The following ACOT11 variants were observed in gnomAD, a reference collection of about 807,000 sequenced individuals.
ACOT11 encodes the protein acyl-CoA thioesterase 11.
Under a neutral mutation model 77.5 loss-of-function variants are expected in ACOT11, and 69 were observed. The ratio of observed to expected loss-of-function variants is 0.89; its 90% CI spans 0.73 to 1.09. The LOEUF is 1.09. Among genes scored for constraint, ACOT11 ranks in the 50% least tolerant of loss-of-function variants. The pLI, the probability that ACOT11 is intolerant of heterozygous loss-of-function variation, is 0.00. For missense variants in ACOT11, 766 were observed against 813.7 expected, an observed-to-expected ratio of 0.94 and a Z score of 0.71; for synonymous variants, 279 against 313.0, an observed-to-expected ratio of 0.89 and a Z score of 1.15.
At chr1:54,568,863 C>T (rs1653834432) in intron 1 of ACOT11, among the ~76,000 whole-genome samples, 1 of 152,146 alleles carries the variant, frequency 6.6e-6, no homozygotes, top group South Asian at 2.1e-4. Flanking sequence ...CCTCCCACCT[C>T]AGCCTTCCGA....
At chr1:54,603,133 T>C (rs960041939) in intron 10 of ACOT11, among the ~76,000 whole-genome samples, 3 of 152,208 alleles carry the variant, frequency 2.0e-5, no homozygotes, top group African/African-American at 7.2e-5. Flanking sequence ...GTTCAGGAGT[T>C]TGAGACTAGC....
intron 1 of ACOT11, among the ~76,000 whole-genome samples, chr1:54,562,202 G>A (rs1653532669): frequency 1.2e-5 from 1 of 83,330 alleles, no homozygotes; most frequent in East Asian, 3.7e-4. Flanking sequence ...AGACGGGGCG[G>A]CTGGCCGGGC....
chr1:54,600,357 G>A (rs1396984070), intron 8 of ACOT11, among the ~76,000 whole-genome samples: 1 of 152,180 alleles, frequency 6.6e-6, no homozygotes, highest in Non-Finnish European at 1.5e-5. Flanking sequence ...AAGTGAGGGG[G>A]AATGGTGGTG....
At chr1:54,549,497 C>T (rs909975916) in intron 1 of ACOT11, among the ~76,000 whole-genome samples, 13 of 152,202 alleles carry the variant, frequency 8.5e-5, no homozygotes, top group African/African-American at 3.1e-4. Flanking sequence ...TGCATCTCCC[C>T]AAACTTGTGT....
chr1:54,571,694 T>C lies in ACOT11; in HGVS notation c.34-12961T>C, dbSNP rs1653934193. 2.0e-5 allele frequency among the ~76,000 whole-genome samples: 3 copies of C among 152,188 alleles called. No individual in the cohort carries two copies. In the South Asian group the frequency reaches 6.2e-4, roughly 31 times the overall value. ...CACCTCTCTGCTCCGCTCAGGAATG[T>C]TTTCTTGAACACTCCTGGGAAAATG... On this transcript the variant is annotated intron_variant, in intron 1 of 15. Coordinates refer to ENST00000343744, the MANE Select transcript of ACOT11 (RefSeq NM_147161.4).
At chr1:54,627,177 C>T (rs1163232455) in intron 15 of ACOT11, among the ~76,000 whole-genome samples, 2 of 134,980 alleles carry the variant, frequency 1.5e-5, no homozygotes, top group Non-Finnish European at 3.4e-5. Flanking sequence ...TTCTTATGCC[C>T]CTTTTTCACA....
intron 12 of ACOT11, 68 bp from the exon 13 acceptor site, chr1:54,605,008 C>T (rs1468151521): frequency 8.6e-6 from 13 of 1,519,402 alleles, no homozygotes; most frequent in Middle Eastern, 1.7e-4. Flanking sequence ...CTTCCAGTCT[C>T]AGCCTCCAGC....
At chr1:54,634,000 TC>T (rs1290421755) in intron 16 of ACOT11, among the ~76,000 whole-genome samples, 3 of 152,350 alleles carry the variant, frequency 2.0e-5, no homozygotes, top group African/African-American at 7.2e-5. Flanking sequence ...GGTGGCTTTT[TC>T]TTCCACATAC....
chr1:54,568,358 C>CTTTTTTTTTTTT (rs71045196), intron 1 of ACOT11, among the ~76,000 whole-genome samples: 1 of 80,556 alleles, frequency 1.2e-5, no homozygotes, highest in Non-Finnish European at 2.4e-5. Flanking sequence ...TTCCCAGCAC[C>CTTTTTTTTTTTT]TTTTTTTTTT....
At position 54,609,472 on chromosome 1, in the gene ACOT11, G is replaced by A; in HGVS notation, c.*360G>A. 6.2e-7 allele frequency: 1 copy of A among 1,613,468 alleles called. No homozygotes were observed. Among genetic ancestry groups the A allele is most frequent in the Non-Finnish European group, 8.5e-7 (1 of 1,180,030 alleles). ...TGCCTATGGCTCCAGCTGTGCTGTG[G>A]CCCAGCAGCATGGCCTGCATCTGGA... On this transcript the variant is annotated 3_prime_UTR_variant, in exon 16 of 16. Coordinates refer to ENST00000343744, the MANE Select transcript of ACOT11 (RefSeq NM_147161.4).
chr1:54,614,826 A>G (rs1644154475), downstream of ACOT11: 3 of 1,614,184 alleles, frequency 1.9e-6, no homozygotes, highest in South Asian at 1.1e-5. Context: ...GGAGGGGCCC[A>G]CTGCCTTGAT....
intron 13 of ACOT11, 141 bp from the exon 14 acceptor site, chr1:54,606,993 G>A (rs1644033722): frequency 8.5e-6 from 10 of 1,183,078 alleles, no homozygotes; most frequent in Non-Finnish European, 1.0e-5. Context: ...CTTCCTGCTG[G>A]CCCTTGCTGA....
At chr1:54,598,705 G>A (rs1421892837) in intron 7 of ACOT11, 1 of 152,216 alleles carries the variant, frequency 6.6e-6, no homozygotes, top group African/African-American at 2.4e-5. Flanking sequence ...GCCAGGTGTG[G>A]TGGTGCGTGC....
At chr1:54,556,538 A>G (rs906750141) in intron 1 of ACOT11, among the ~76,000 whole-genome samples, 4 of 151,536 alleles carry the variant, frequency 2.6e-5, no homozygotes, top group Non-Finnish European at 5.9e-5. Context: ...CTTTTCATTT[A>G]TATCTTCTTC....
intron 3 of ACOT11, among the ~76,000 whole-genome samples, chr1:54,588,406 A>G (rs1569721206): frequency 6.6e-6 from 1 of 152,206 alleles, no homozygotes; most frequent in South Asian, 2.1e-4. Flanking sequence ...CATAGCTATT[A>G]GTATCCTTAT....
At chr1:54,551,492 C>G (rs1284537123) in intron 1 of ACOT11, among the ~76,000 whole-genome samples, 1 of 152,176 alleles carries the variant, frequency 6.6e-6, no homozygotes, top group East Asian at 1.9e-4. Context: ...GTGGAGAGCT[C>G]TTCTTTCCCT....
At chr1:54,597,170 T>TG in intron 6 of ACOT11, 89 bp from the exon 7 acceptor site, 3 of 1,529,512 alleles carry the variant, frequency 2.0e-6, no homozygotes, top group Non-Finnish European at 2.7e-6. Flanking sequence ...GGTAGAGTGG[T>TG]GGGGGTCCCA....
intron 1 of ACOT11, among the ~76,000 whole-genome samples, chr1:54,580,872 C>T (rs571981022): frequency 3.3e-5 from 5 of 152,258 alleles, no homozygotes; most frequent in South Asian, 2.1e-4. Context: ...CGCAGATAAA[C>T]GGATTCTAGG....
intron 16 of ACOT11, among the ~76,000 whole-genome samples, chr1:54,634,204 C>A (rs980917549): frequency 2.6e-5 from 4 of 152,126 alleles, no homozygotes; most frequent in African/African-American, 9.7e-5. Context: ...TGGGTATTCT[C>A]GATAATCATT....
Sources: allele counts gnomAD v4.1 joint callset (sites outside exome capture counted in the v4.1 genomes callset), GRCh38; gene constraint gnomAD v4.1.1; transcripts MANE v1.5; gene names NCBI Gene and HGNC (gene_info 2026-07-23, HGNC 2026-07-21).